Variants in GPD2 observed in about 807,000 individuals in gnomAD.
GPD2 encodes glycerol-3-phosphate dehydrogenase, mitochondrial.
Under a neutral mutation model 82.4 loss-of-function variants are expected in GPD2, and 54 were observed. The ratio of observed to expected loss-of-function variants is 0.66; its 90% confidence interval spans 0.53 to 0.82. The LOEUF (loss-of-function observed/expected upper bound fraction) is 0.82, where lower values mean the gene tolerates loss of function less well. Ranked by LOEUF, GPD2 falls within the 40% of genes least tolerant of loss-of-function variation. The pLI, the probability that GPD2 is intolerant of heterozygous loss-of-function variation, is 0.00. For missense variants in GPD2, 748 were observed against 896.2 expected (o/e 0.83, Z 2.11); for synonymous variants, 288 against 306.1 (o/e 0.94, Z 0.62).
chr2:156,541,833 T>TTG (rs1304700581), intron 6 of GPD2, among the ~76,000 whole-genome samples: 5 of 144,684 alleles, frequency 3.5e-5, no homozygotes, highest in African/African-American at 1.0e-4. Context: ...TGTTTTTTTT[T>TTG]TTTTTTTTTT....
chr2:156,437,665 A>G (rs1048468158), intron 1 of GPD2, among the ~76,000 whole-genome samples: 15 of 152,248 alleles, frequency 9.9e-5, no homozygotes, highest in African/African-American at 3.6e-4. Flanking sequence ...AGAACCAACA[A>G]TGGATTCATT....
intron 1 of GPD2, among the ~76,000 whole-genome samples, chr2:156,441,542 G>A (rs938240388): frequency 1.3e-5 from 2 of 152,184 alleles, no homozygotes; most frequent in African/African-American, 4.8e-5. Flanking sequence ...CTGAGTGACA[G>A]AGCAAGACCT....
At chr2:156,534,948 T>C (rs1325811057) in intron 6 of GPD2, among the ~76,000 whole-genome samples, 1 of 152,158 alleles carries the variant, frequency 6.6e-6, no homozygotes, top group African/African-American at 2.4e-5. Flanking sequence ...CTTAAGTAAG[T>C]AATGCTTTGC....
In GPD2 at chr2:156,544,087, C is replaced by T. The variant is rs982747725; in HGVS notation, c.662-5521C>T. The stretch of plus-strand genomic sequence containing the variant: ...AAATAATTAGGGTTTATTGTACATG[C>T]ATTGGAATGCTCATCAGGTGGCTCT... On this transcript the variant is annotated intron_variant, in intron 6 of 16. Transcript: ENST00000438166. 2.6e-5 allele frequency among the ~76,000 whole-genome samples: 4 copies of T among 152,050 alleles called. No individual in the cohort carries two copies. The South Asian group carries it at 6.2e-4, about 24-fold the overall frequency.
intron 10 of GPD2, 30 bp downstream of exon 10, chr2:156,568,989 T>TA: frequency 6.9e-6 from 10 of 1,441,460 alleles, no homozygotes; most frequent in African/African-American, 1.8e-5. Context: ...TATTTTCTTT[T>TA]CTTTTTTTTT....
chr2:156,471,909 G>A (rs1434316740), intron 1 of GPD2, among the ~76,000 whole-genome samples: 1 of 152,160 alleles, frequency 6.6e-6, no homozygotes, highest in Non-Finnish European at 1.5e-5. Flanking sequence ...CATTTGTTTA[G>A]GTTTTGCCAA....
chr2:156,523,162 A>G (rs1297531705), intron 6 of GPD2, among the ~76,000 whole-genome samples: 2 of 152,178 alleles, frequency 1.3e-5, no homozygotes, highest in Non-Finnish European at 2.9e-5. Context: ...GGCTCTGATA[A>G]ATATATAATG....
chr2:156,556,769 A>G (rs1686978539), intron 8 of GPD2, among the ~76,000 whole-genome samples: 1 of 152,154 alleles, frequency 6.6e-6, no homozygotes, highest in African/African-American at 2.4e-5. Flanking sequence ...TTTCTTCTAG[A>G]TGTACATTTT....
At chr2:156,476,234 C>T (rs1388523326) in intron 2 of GPD2, 27 bp downstream of exon 2, 2 of 1,178,394 alleles carry the variant, frequency 1.7e-6, no homozygotes, top group South Asian at 2.4e-5. Flanking sequence ...GTGTTGATTA[C>T]AGTATGCAAC....
intron 9 of GPD2, among the ~76,000 whole-genome samples, chr2:156,566,658 G>A (rs4330074): frequency 0.72 from 108,785 of 151,960 alleles, 39,031 homozygotes; most frequent in Middle Eastern, 0.82. Flanking sequence ...GCTATTGTTA[G>A]TAATGCTATG....
upstream of GPD2, among the ~76,000 whole-genome samples, chr2:156,430,578 A>C (rs1364646899): frequency 2.0e-5 from 3 of 152,192 alleles, no homozygotes; most frequent in Non-Finnish European, 2.9e-5. Flanking sequence ...GCAGTTTCTC[A>C]TTTTAGTCTT....
chr2:156,581,682 C>T (rs145603637), intron 16 of GPD2, among the ~76,000 whole-genome samples: 1 of 152,116 alleles, frequency 6.6e-6, no homozygotes, highest in Non-Finnish European at 1.5e-5. Flanking sequence ...AGAAGGATCA[C>T]TATAGATATC....
intron 13 of GPD2, among the ~76,000 whole-genome samples, chr2:156,578,509 T>C (rs1687905274): frequency 6.6e-6 from 1 of 152,182 alleles, no homozygotes; most frequent in Non-Finnish European, 1.5e-5. Context: ...CTCAGAATTA[T>C]TATCCTTTGT....
At chr2:156,531,486 C>T (rs1685857730) in intron 6 of GPD2, among the ~76,000 whole-genome samples, 2 of 152,230 alleles carry the variant, frequency 1.3e-5, no homozygotes, top group African/African-American at 4.8e-5. Context: ...TTTTCATTTA[C>T]TTTAAAATGG....
At chr2:156,519,446 A>G (rs1685316511) in intron 6 of GPD2, among the ~76,000 whole-genome samples, 1 of 152,232 alleles carries the variant, frequency 6.6e-6, no homozygotes, top group African/African-American at 2.4e-5. Context: ...ATACATTAAA[A>G]TTGTGTATTT....
chr2:156,465,003 A>T (rs558722329), intron 1 of GPD2, among the ~76,000 whole-genome samples: 196 of 152,208 alleles, frequency 1.3e-3, no homozygotes, highest in African/African-American at 4.6e-3. Context: ...GGCACCCATC[A>T]CAACGCCTGG....
rs143012077 is a variant in GPD2 at position 156,459,569 on chromosome 2, T to G, written c.-8-16529T>G. 4.0e-3 allele frequency among the ~76,000 whole-genome samples: 610 copies of G among 150,698 alleles called. 4 individuals carry two copies. The highest frequency in any genetic ancestry group is 0.014 in the African/African-American group (582 of 40,986). On this transcript the variant is annotated intron_variant, in intron 1 of 16. Coordinates refer to ENST00000438166, the MANE Select transcript of GPD2 (RefSeq NM_000408.5). ...TGGGCATGGTGGCGCATGCCTGTAA[T>G]CCCAGCTATTTGGGAGCCTGATGCA...
At chr2:156,517,830 T>G (rs1685254775) in intron 6 of GPD2, among the ~76,000 whole-genome samples, 1 of 152,148 alleles carries the variant, frequency 6.6e-6, no homozygotes, top group Non-Finnish European at 1.5e-5. Context: ...TCCAATCTAG[T>G]ACACAGAAAA....
intron 2 of GPD2, among the ~76,000 whole-genome samples, chr2:156,490,404 A>AT (rs1418904390): frequency 9.2e-5 from 14 of 152,008 alleles, no homozygotes; most frequent in African/African-American, 3.1e-4. Flanking sequence ...AAAAAAAACA[A>AT]AAATAAAATG....
Sources: gnomAD v4.1 joint callset for allele counts (sites outside exome capture counted in the v4.1 genomes callset) on GRCh38, gnomAD v4.1.1 for gene constraint, MANE v1.5 for transcripts, NCBI Gene and HGNC (gene_info 2026-07-23, HGNC 2026-07-21) for gene names.